The following ABCA13 variants were observed in gnomAD, a reference collection of about 807,000 sequenced individuals.
ABCA13 encodes ATP-binding cassette sub-family A member 13.
In ABCA13, 476 loss-of-function variants were observed where a neutral mutation model predicts 478.7. The observed-to-expected ratio is 0.99, with a 90% confidence interval of 0.92 to 1.07. The LOEUF (loss-of-function observed/expected upper bound fraction) is 1.07. Among genes scored for constraint, ABCA13 ranks in the 50% least tolerant of loss-of-function variants. The probability of loss-of-function intolerance (pLI) is 0.00; values close to 1 mark genes in which losing one functional copy is unlikely to be tolerated. For synonymous variants in ABCA13, 2,252 were observed against 2,158.9 expected (o/e 1.04, Z -1.20); for missense variants, 6,060 against 5,910.6 (o/e 1.03, Z -0.83).
chr7:48,336,663 G>A (rs1305785063), intron 28 of ABCA13, among the ~76,000 whole-genome samples: 2 of 152,202 alleles, frequency 1.3e-5, no homozygotes, highest in Non-Finnish European at 2.9e-5. Context: ...CGTGGCCTCA[G>A]GGCAAAGTGC....
Position 48,374,435 on chromosome 7 carries a change from A to G in ABCA13, c.11203+19A>G, listed in dbSNP as rs1295492104. On this transcript the variant is annotated intron_variant, in intron 34 of 61. Transcript: ENST00000435803. ...GAGACAGGTAAGAGCATGCATGTGT[A>G]AAAAGTGACTCTCAGTGAATCACGT... is the stretch of plus-strand genomic sequence containing the variant. 4 of 1,597,418 alleles carry G rather than the reference A, an allele frequency of 2.5e-6. No individual in the cohort carries two copies. Among genetic ancestry groups the G allele is most frequent in the Middle Eastern group, 1.7e-4 (1 of 6,046 alleles).
intron 35 of ABCA13, among the ~76,000 whole-genome samples, chr7:48,378,574 C>T (rs925973370): frequency 6.6e-6 from 1 of 152,116 alleles, no homozygotes; most frequent in African/African-American, 2.4e-5. Flanking sequence ...TCCTAATTCC[C>T]TGCCCTCCCA....
chr7:48,187,091 TATAC>T (rs1264214633), intron 1 of ABCA13, among the ~76,000 whole-genome samples: 2 of 150,294 alleles, frequency 1.3e-5, no homozygotes, highest in Non-Finnish European at 3.0e-5. Flanking sequence ...CACAAATATA[TATAC>T]ATATATATTT....
At position 48,410,546 on chromosome 7, in the gene ABCA13, C is replaced by T. The variant is rs1015426895; in HGVS notation, c.12097C>T (p.His4033Tyr). Residue 4033 changes from histidine (H) to tyrosine (Y), a missense_variant, in exon 40 of 62, where the codon CAC (histidine) becomes TAC (tyrosine). Transcript: ENST00000435803. ...TCGTACGATCATCTTCACAACCCAC[C>T]ACCTGGATGAAGCTGAAGCGCTGAG... is the stretch of plus-strand genomic sequence containing the variant. ...EGRTIIFTTH[H>Y]LDEAEALSDR... 1 of 1,613,942 alleles carries T rather than the reference C, an allele frequency of 6.2e-7. No individual in the cohort carries two copies.
At chr7:48,324,009 G>T (rs756277915) in intron 27 of ABCA13, among the ~76,000 whole-genome samples, 13 of 152,304 alleles carry the variant, frequency 8.5e-5, no homozygotes, top group Middle Eastern at 3.4e-3. Context: ...ATATGGAACT[G>T]TGAGTCAATT....
chr7:48,293,202 C>CT (rs927207448), intron 20 of ABCA13, among the ~76,000 whole-genome samples: 1 of 136,898 alleles, frequency 7.3e-6, no homozygotes, highest in African/African-American at 2.6e-5. Context: ...GCCCCCCCCC[C>CT]GCCACACACA....
At chr7:48,623,836 G>A (rs1793394296) in intron 59 of ABCA13, among the ~76,000 whole-genome samples, 2 of 152,138 alleles carry the variant, frequency 1.3e-5, no homozygotes, top group African/African-American at 4.8e-5. Context: ...AATAAGGTTA[G>A]GTTTCTGTTC....
At chr7:48,288,821 T>A (rs991502985) in intron 20 of ABCA13, among the ~76,000 whole-genome samples, 11 of 152,118 alleles carry the variant, frequency 7.2e-5, no homozygotes, top group African/African-American at 2.7e-4. Context: ...CAACTATAGC[T>A]GAATCAGACA....
intron 56 of ABCA13, among the ~76,000 whole-genome samples, chr7:48,585,976 G>A (rs560357858): frequency 6.6e-6 from 1 of 152,252 alleles, no homozygotes; most frequent in Non-Finnish European, 1.5e-5. Flanking sequence ...ATTACAGTGG[G>A]AAATGCTAAA....
Position 48,279,572 on chromosome 7 carries a change from T to A in ABCA13, c.8378T>A (p.Leu2793Ter). The A allele has an allele frequency of 6.2e-7, 1 of 1,613,378 alleles. No individual in the cohort carries two copies. Among genetic ancestry groups the A allele is most frequent in the Non-Finnish European group, 8.5e-7 (1 of 1,179,628 alleles). The change falls in exon 18 of 62, where the codon TTG becomes TAG. Residue 2793 changes from leucine to a stop codon, truncating the protein, a stop_gained. Coordinates refer to ENST00000435803, the MANE Select transcript of ABCA13 (RefSeq NM_152701.5). LOFTEE classifies it high-confidence loss of function. ...ATTAAAAGTGACTATGAAGGTGATT[T>A]GAATAAAAGTTTATATTTTGACACA... ...SGIKSDYEGD[L>*]NKSLYFDTPL...
intron 55 of ABCA13, among the ~76,000 whole-genome samples, chr7:48,548,028 A>C (rs1784979340): frequency 6.6e-6 from 1 of 151,874 alleles, no homozygotes; most frequent in African/African-American, 2.4e-5. Flanking sequence ...TCTGTCATCC[A>C]CGATGTCTTT....
At chr7:48,589,383 T>C (rs1405123306) in intron 57 of ABCA13, among the ~76,000 whole-genome samples, 1 of 152,128 alleles carries the variant, frequency 6.6e-6, no homozygotes, top group Non-Finnish European at 1.5e-5. Flanking sequence ...CAACCTGACA[T>C]GAAAATATAG....
intron 58 of ABCA13, among the ~76,000 whole-genome samples, chr7:48,596,502 C>G (rs1790293018): frequency 6.6e-6 from 1 of 152,212 alleles, no homozygotes; most frequent in South Asian, 2.1e-4. Context: ...TTTTCTCATG[C>G]TTACTTTCAG....
In ABCA13 at chr7:48,396,964, G is replaced by A. The variant is rs546751790; in HGVS notation, c.11873+4825G>A. On this transcript the variant is annotated intron_variant, in intron 38 of 61. Transcript: ENST00000435803. ...ATTATGAACATTCTTTTGGAGATAC[G>A]AAACAAAACAAGATCACAAACACAG... Among the ~76,000 whole-genome samples the A allele has an allele frequency of 5.9e-5, 9 of 152,290 alleles. No homozygotes were observed. In the East Asian group the frequency reaches 1.7e-3, roughly 29 times the overall value.
chr7:48,387,407 C>A (rs1585110439), intron 35 of ABCA13, among the ~76,000 whole-genome samples: 3 of 152,282 alleles, frequency 2.0e-5, no homozygotes, highest in East Asian at 1.9e-4. Flanking sequence ...TCCCCTCCTA[C>A]ACTTACCTCA....
At chr7:48,311,555 A>G (rs1469777042) in intron 24 of ABCA13, among the ~76,000 whole-genome samples, 3 of 152,202 alleles carry the variant, frequency 2.0e-5, no homozygotes, top group Non-Finnish European at 2.9e-5. Context: ...GATTTGAAGT[A>G]AGTGCTTGTA....
chr7:48,482,559 T>G (rs1263740848), intron 46 of ABCA13, among the ~76,000 whole-genome samples: 5 of 151,530 alleles, frequency 3.3e-5, no homozygotes, highest in Non-Finnish European at 7.4e-5. Context: ...TTTTTTTGTA[T>G]TTTTACAAAA....
At chr7:48,279,952 T>C in intron 18 of ABCA13, 32 bp downstream of exon 18, 4 of 1,496,990 alleles carry the variant, frequency 2.7e-6, no homozygotes, top group Non-Finnish European at 1.8e-6. Flanking sequence ...CTTTGTTTTT[T>C]TCTCTACCGC....
At chr7:48,637,595 A>T (rs1176074054) in intron 59 of ABCA13, among the ~76,000 whole-genome samples, 1 of 152,064 alleles carries the variant, frequency 6.6e-6, no homozygotes, top group Non-Finnish European at 1.5e-5. Flanking sequence ...AAGAGGCCAC[A>T]TAAGGGGCTG....
Sources: allele counts gnomAD v4.1 joint callset (sites outside exome capture counted in the v4.1 genomes callset), GRCh38; gene constraint gnomAD v4.1.1; transcripts MANE v1.5; gene names NCBI Gene and HGNC (gene_info 2026-07-23, HGNC 2026-07-21).